TMEM117: variants seen among roughly 807,000 people sequenced by gnomAD.
TMEM117 encodes transmembrane protein 117.
Under a neutral mutation model 52.4 loss-of-function variants are expected in TMEM117, and 27 were observed. The ratio of observed to expected loss-of-function variants is 0.51; its 90% CI spans 0.38 to 0.71. TMEM117 has a LOEUF of 0.71. Among genes scored for constraint, TMEM117 ranks in the 30% least tolerant of loss-of-function variants. TMEM117 has a pLI of 0.00. For missense variants in TMEM117, 556 were observed against 630.5 expected (o/e 0.88, Z 1.26); for synonymous variants, 215 against 206.3 (o/e 1.04, Z -0.36).
intron 5 of TMEM117, among the ~76,000 whole-genome samples, chr12:44,253,127 T>G (rs1275558772): frequency 1.3e-5 from 2 of 152,228 alleles, no homozygotes; most frequent in African/African-American, 4.8e-5. Context: ...ATCTTTCTAC[T>G]TTATGTGTAA....
chr12:44,171,264 C>G (rs913933489), intron 4 of TMEM117, among the ~76,000 whole-genome samples: 47 of 152,188 alleles, frequency 3.1e-4, no homozygotes, highest in African/African-American at 1.1e-3. Context: ...ATCCGCCCGC[C>G]TCGGCCTCCC....
chr12:43,799,316 T>C, the TMEM117 span: 5 of 892,764 alleles, frequency 5.6e-6, no homozygotes, highest in East Asian at 1.4e-4. Context: ...TAATCTCTAG[T>C]TATCCTCCCA....
At chr12:44,243,232 A>T in intron 5 of TMEM117, among the ~76,000 whole-genome samples, 1 of 151,488 alleles carries the variant, frequency 6.6e-6, no homozygotes, top group Non-Finnish European at 1.5e-5. Context: ...TTGATTTTTG[A>T]ATCTCTCTTG....
chr12:44,128,390 G>C (rs768946860), intron 3 of TMEM117, among the ~76,000 whole-genome samples: 13 of 152,164 alleles, frequency 8.5e-5, no homozygotes, highest in African/African-American at 1.2e-4. Flanking sequence ...TACACAGAGG[G>C]CTCTGTTGAA....
At chr12:44,067,614 A>G (rs1947242020) in intron 3 of TMEM117, among the ~76,000 whole-genome samples, 1 of 152,206 alleles carries the variant, frequency 6.6e-6, no homozygotes, top group Admixed American at 6.5e-5. Flanking sequence ...TTTTCTGAAC[A>G]GTATGTCTCA....
chr12:43,833,850 T>C (rs1942996373), upstream of TMEM117, among the ~76,000 whole-genome samples: 1 of 151,516 alleles, frequency 6.6e-6, no homozygotes, highest in African/African-American at 2.4e-5. Flanking sequence ...CTCAGCACTT[T>C]GAGAGGATGA....
intron 3 of TMEM117, among the ~76,000 whole-genome samples, chr12:43,992,974 A>G (rs777599366): frequency 3.3e-5 from 5 of 152,220 alleles, no homozygotes; most frequent in Admixed American, 1.3e-4. Context: ...CACTAAATAT[A>G]TATTGAATGA....
At chr12:44,317,718 C>G (rs1951075593) in intron 6 of TMEM117, among the ~76,000 whole-genome samples, 1 of 152,194 alleles carries the variant, frequency 6.6e-6, no homozygotes, top group South Asian at 2.1e-4. Flanking sequence ...GTGGTTCTAC[C>G]TACAGGCCAG....
chr12:43,925,699 GA>G (rs1287628538), intron 2 of TMEM117, among the ~76,000 whole-genome samples: 1 of 152,004 alleles, frequency 6.6e-6, no homozygotes, highest in African/African-American at 2.4e-5. Flanking sequence ...CCCAGAAGTG[GA>G]AAAAATGTTA....
chr12:44,145,317 T>C, intron 4 of TMEM117, among the ~76,000 whole-genome samples: 1 of 152,194 alleles, frequency 6.6e-6, no homozygotes. Context: ...CATCACTTTG[T>C]GGCAAATCTG....
At chr12:44,392,527 T>A (rs979959985), downstream of TMEM117, among the ~76,000 whole-genome samples, 16 of 152,086 alleles carry the variant, frequency 1.1e-4, no homozygotes, top group East Asian at 3.9e-4. Context: ...CTGGCTTTTT[T>A]TTATTATTAT....
At chr12:44,246,493 G>A (rs530288072) in intron 5 of TMEM117, among the ~76,000 whole-genome samples, 64 of 152,156 alleles carry the variant, frequency 4.2e-4, no homozygotes, top group African/African-American at 1.5e-3. Context: ...GCTGCACACT[G>A]TATTTTAAAA....
chr12:43,882,691 A>G (rs2137454813), intron 2 of TMEM117, among the ~76,000 whole-genome samples: 1 of 152,292 alleles, frequency 6.6e-6, no homozygotes, highest in South Asian at 2.1e-4. Flanking sequence ...TAGGTCAATG[A>G]GCATAAATGT....
At chr12:43,862,932 C>G (rs528914013) in intron 2 of TMEM117, among the ~76,000 whole-genome samples, 6 of 152,224 alleles carry the variant, frequency 3.9e-5, no homozygotes, top group African/African-American at 1.2e-4. Context: ...ACGCACTGCA[C>G]TCCAGCCCGG....
At chr12:44,230,648 A>G (rs1440292095) in intron 5 of TMEM117, among the ~76,000 whole-genome samples, 1 of 152,014 alleles carries the variant, frequency 6.6e-6, no homozygotes, top group Non-Finnish European at 1.5e-5. Context: ...CACAAATTTT[A>G]TTTTGGTACT....
intron 2 of TMEM117, among the ~76,000 whole-genome samples, chr12:43,886,008 G>C (rs1019983325): frequency 6.6e-6 from 1 of 152,198 alleles, no homozygotes; most frequent in Non-Finnish European, 1.5e-5. Flanking sequence ...TTGGGATAGA[G>C]ATAAAGGCAG....
intron 4 of TMEM117, among the ~76,000 whole-genome samples, chr12:44,144,459 A>C (rs1948613699): frequency 6.6e-6 from 1 of 152,236 alleles, no homozygotes; most frequent in African/African-American, 2.4e-5. Context: ...ACCAGAAGGC[A>C]GATAATGCCT....
intron 5 of TMEM117, among the ~76,000 whole-genome samples, chr12:44,218,617 T>C (rs968858865): frequency 1.1e-4 from 17 of 152,146 alleles, no homozygotes; most frequent in African/African-American, 3.4e-4. Flanking sequence ...GTACTAGAAG[T>C]CTTAGAGCAA....
Position 44,299,697 on chromosome 12 carries a change from T to A in TMEM117, c.726T>A (p.Leu242=). The A allele has an allele frequency of 6.2e-7, 1 of 1,614,202 alleles. No homozygotes were observed. The change falls in exon 6 of 8, where the codon CTT becomes CTA. Residue 242 remains leucine (L), a synonymous_variant. Transcript: ENST00000266534. ...LPSDEVSRAF[L]ASFILVFDLL... ...GTGATGAAGTTTCCAGAGCATTCCT[T>A]GCTTCTTTTATCTTGGTCTTTGACC...
Sources: allele counts gnomAD v4.1 joint callset (sites outside exome capture counted in the v4.1 genomes callset), GRCh38; gene constraint gnomAD v4.1.1; transcripts MANE v1.5; gene names NCBI Gene and HGNC (gene_info 2026-07-23, HGNC 2026-07-21).